The following M1AP variants were observed in gnomAD, a reference collection of about 807,000 sequenced individuals.
The protein encoded by M1AP is meiosis 1 associated protein, also known as meiosis 1 arrest protein.
M1AP carries 39 observed loss-of-function variants against 51.2 expected under a neutral mutation model. The ratio of observed to expected loss-of-function variants is 0.76; its 90% CI spans 0.59 to 1.00. M1AP has a LOEUF of 1.00. M1AP is among the 50% of genes least tolerant of loss of function. M1AP has a pLI of 0.00. For synonymous variants in M1AP, 251 were observed against 249.2 expected (o/e 1.01, Z -0.07); for missense variants, 545 against 641.2 (o/e 0.85, Z 1.62).
chr2:74,625,116 A>C (rs1682291232), intron 2 of M1AP, among the ~76,000 whole-genome samples: 1 of 152,172 alleles, frequency 6.6e-6, no homozygotes. Flanking sequence ...AATTTTTGCC[A>C]ATCATATAGG....
intron 4 of M1AP, among the ~76,000 whole-genome samples, chr2:74,587,222 G>C (rs538351034): frequency 6.7e-6 from 1 of 148,796 alleles, no homozygotes; most frequent in African/African-American, 2.5e-5. Context: ...CTTTTGAGAC[G>C]GAGTCTCGCT....
At chr2:74,606,429 T>C (rs1289288255) in intron 4 of M1AP, among the ~76,000 whole-genome samples, 2 of 152,194 alleles carry the variant, frequency 1.3e-5, no homozygotes, top group Non-Finnish European at 2.9e-5. Context: ...AAACAAATTA[T>C]GGTAAAACAA....
chr2:74,562,895 G>A (rs1156518167), intron 7 of M1AP, among the ~76,000 whole-genome samples: 1 of 152,112 alleles, frequency 6.6e-6, no homozygotes, highest in Non-Finnish European at 1.5e-5. Context: ...CAGCCTGGGT[G>A]ACAGAGTGAG....
At chr2:74,578,626 G>A (rs1679229021) in intron 5 of M1AP, among the ~76,000 whole-genome samples, 1 of 152,112 alleles carries the variant, frequency 6.6e-6, no homozygotes, top group Non-Finnish European at 1.5e-5. Flanking sequence ...ATGCAGATGT[G>A]GCAGACACCA....
intron 4 of M1AP, among the ~76,000 whole-genome samples, chr2:74,596,027 T>A (rs1040900866): frequency 1.3e-5 from 2 of 152,044 alleles, no homozygotes; most frequent in African/African-American, 4.8e-5. Context: ...TTGAAAAATA[T>A]TTAAATAATC....
At chr2:74,635,389 C>G (rs1682928047) in intron 2 of M1AP, among the ~76,000 whole-genome samples, 1 of 152,024 alleles carries the variant, frequency 6.6e-6, no homozygotes. Flanking sequence ...CCTTGTCATT[C>G]TTGCCAGAGG....
chr2:74,558,852 C>T lies in M1AP; in HGVS notation c.1457G>A (p.Arg486Gln), dbSNP rs200252150. Residue 486 changes from arginine (R) to glutamine (Q), a missense_variant, in exon 11 of 11, where the codon CGA becomes CAA. By Grantham distance (43) the Arg-to-Gln change is conservative. Coordinates refer to ENST00000421985, the MANE Select transcript of M1AP (RefSeq NM_001321739.2). ...CAGGGGGGCCACAGTAGCTCGAGCTCGGTTGGTCTGCAACTGCCCAGTCTG... is the reference window on the plus strand; with the variant it reads ...CAGGGGGGCCACAGTAGCTCGAGCTTGGTTGGTCTGCAACTGCCCAGTCTG... ...PCKTGQLQTN[R>Q]ARATVAPLPM... 60 of 1,599,546 alleles carry T rather than the reference C, an allele frequency of 3.8e-5. No homozygotes were observed. Among genetic ancestry groups the T allele is most frequent in the Middle Eastern group, 3.3e-4 (2 of 6,028 alleles).
intron 4 of M1AP, among the ~76,000 whole-genome samples, chr2:74,592,117 T>TA (rs1680080155): frequency 6.6e-6 from 1 of 152,024 alleles, no homozygotes; most frequent in African/African-American, 2.4e-5. Context: ...GACATATTCT[T>TA]AAAAAAATCC....
intron 1 of M1AP, among the ~76,000 whole-genome samples, chr2:74,644,977 G>C (rs774765563): frequency 2.6e-5 from 4 of 152,068 alleles, no homozygotes; most frequent in African/African-American, 9.7e-5. Context: ...AGGACAACCT[G>C]CTCAGGTCCC....
chr2:74,562,130 C>T, intron 8 of M1AP, 87 bp downstream of exon 8: 1 of 1,508,388 alleles, frequency 6.6e-7, no homozygotes, highest in Non-Finnish European at 8.9e-7. Context: ...CGCATCCATT[C>T]CCTCATGGGC....
At chr2:74,623,909 C>T (rs1241175502) in intron 2 of M1AP, among the ~76,000 whole-genome samples, 2 of 152,132 alleles carry the variant, frequency 1.3e-5, no homozygotes, top group African/African-American at 4.8e-5. Context: ...TGCGCTCAAG[C>T]GATCCTCCCA....
chr2:74,560,436 C>A (rs1270327420), intron 8 of M1AP, 145 bp from the exon 9 acceptor site: 3 of 820,844 alleles, frequency 3.7e-6, no homozygotes, highest in African/African-American at 3.5e-5. Flanking sequence ...ATGCTGTCCC[C>A]CTGGGTGTTC....
chr2:74,644,341 C>A (rs1683473199), intron 1 of M1AP, among the ~76,000 whole-genome samples: 1 of 152,070 alleles, frequency 6.6e-6, no homozygotes, highest in African/African-American at 2.4e-5. Context: ...AGTTTGAGAC[C>A]AGCCTGACCA....
At chr2:74,584,532 T>A (rs1192561450) in intron 4 of M1AP, among the ~76,000 whole-genome samples, 2 of 149,342 alleles carry the variant, frequency 1.3e-5, no homozygotes, top group African/African-American at 4.9e-5. Context: ...TGAGTTGAAA[T>A]AACAGAATTT....
chr2:74,609,419 A>T (rs1022807510), intron 3 of M1AP, among the ~76,000 whole-genome samples: 5 of 152,244 alleles, frequency 3.3e-5, no homozygotes, highest in Non-Finnish European at 5.9e-5. Context: ...ATGGTATTCC[A>T]ATGTGTATAA....
At chr2:74,608,530 T>C (rs1257664921) in intron 3 of M1AP, among the ~76,000 whole-genome samples, 1 of 152,228 alleles carries the variant, frequency 6.6e-6, no homozygotes, top group Non-Finnish European at 1.5e-5. Context: ...CAATTACGAA[T>C]AAAGCTGCCA....
chr2:74,604,669 A>G (rs1261992076), intron 4 of M1AP, among the ~76,000 whole-genome samples: 1 of 152,150 alleles, frequency 6.6e-6, no homozygotes, highest in Non-Finnish European at 1.5e-5. Flanking sequence ...GGGGTTGGAG[A>G]TCCCTGCTCT....
At chr2:74,577,301 G>C (rs948459075) in intron 5 of M1AP, among the ~76,000 whole-genome samples, 14 of 152,218 alleles carry the variant, frequency 9.2e-5, no homozygotes, top group African/African-American at 3.1e-4. Context: ...CTAGGTAGGA[G>C]TTACTCATCT....
At chr2:74,575,780 T>C (rs1679028803) in intron 6 of M1AP, among the ~76,000 whole-genome samples, 1 of 152,288 alleles carries the variant, frequency 6.6e-6, no homozygotes, top group Admixed American at 6.5e-5. Flanking sequence ...AACCTGTGCA[T>C]GGGCACAGTG....
Sources: allele counts gnomAD v4.1 joint callset (sites outside exome capture counted in the v4.1 genomes callset), GRCh38; gene constraint gnomAD v4.1.1; transcripts MANE v1.5; gene names NCBI Gene and HGNC (gene_info 2026-07-23, HGNC 2026-07-21).